Variants in DLGAP2 observed in about 807,000 individuals in gnomAD.
The protein encoded by DLGAP2 is DLG associated protein 2.
DLGAP2 carries 26 observed loss-of-function variants against 100.3 expected under a neutral mutation model. The ratio of observed to expected loss-of-function variants is 0.26; its 90% confidence interval spans 0.19 to 0.36. The LOEUF (loss-of-function observed/expected upper bound fraction) is 0.36. Ranked by LOEUF, DLGAP2 falls within the 10% of genes least tolerant of loss-of-function variation. The probability of loss-of-function intolerance (pLI) is 1.00; values close to 1 mark genes in which losing one functional copy is unlikely to be tolerated. For synonymous variants in DLGAP2, 886 were observed against 630.1 expected, an observed-to-expected ratio of 1.41 and a Z score of -6.08; for missense variants, 1,858 against 1,453.2, an observed-to-expected ratio of 1.28 and a Z score of -4.53.
intron 3 of DLGAP2, among the ~76,000 whole-genome samples, chr8:1,319,184 C>T (rs1298152688): frequency 2.6e-5 from 4 of 152,136 alleles, no homozygotes; most frequent in Admixed American, 2.0e-4. Flanking sequence ...CCATGGCTCC[C>T]CTCCCTCCTC....
chr8:1,128,219 ATGTTGTGTTCGGTGAGGACCTGCTCCCGG>A (rs1563206006), intron 2 of DLGAP2, among the ~76,000 whole-genome samples: 73 of 92,724 alleles, frequency 7.9e-4, no homozygotes, highest in African/African-American at 2.4e-3. Flanking sequence ...CCTGCTCCCC[ATGTTGTGTTCGGTGAGGACCTGCTCCCGG>A]TGTTGTGTTC....
chr8:1,272,016 A>G (rs1799593657), intron 3 of DLGAP2, among the ~76,000 whole-genome samples: 1 of 152,042 alleles, frequency 6.6e-6, no homozygotes, highest in South Asian at 2.1e-4. Context: ...ATTTCACTAC[A>G]CGTTGGCCAA....
chr8:1,048,595 A>G (rs1023857175), intron 2 of DLGAP2, among the ~76,000 whole-genome samples: 3 of 151,756 alleles, frequency 2.0e-5, no homozygotes, highest in Non-Finnish European at 4.4e-5. Context: ...AATGGTGAAT[A>G]CTTGGTGTGT....
chr8:946,815 C>G (rs1799337761), intron 2 of DLGAP2, among the ~76,000 whole-genome samples: 1 of 152,202 alleles, frequency 6.6e-6, no homozygotes, highest in Non-Finnish European at 1.5e-5. Context: ...TGCCATTACA[C>G]ACAGATAGAA....
intron 2 of DLGAP2, among the ~76,000 whole-genome samples, chr8:1,095,500 A>C (rs765171185): frequency 5.9e-5 from 9 of 152,164 alleles, no homozygotes; most frequent in Non-Finnish European, 1.3e-4. Flanking sequence ...TTCAGAGTCT[A>C]CTTCCTGGTG....
chr8:959,198 A>G (rs1799665134), intron 2 of DLGAP2, among the ~76,000 whole-genome samples: 2 of 152,206 alleles, frequency 1.3e-5, no homozygotes, highest in Non-Finnish European at 2.9e-5. Context: ...TACGTCTCCA[A>G]AAGACATGTA....
intron 2 of DLGAP2, among the ~76,000 whole-genome samples, chr8:1,063,965 C>T (rs994721024): frequency 6.6e-6 from 1 of 152,158 alleles, no homozygotes; most frequent in Non-Finnish European, 1.5e-5. Context: ...CAGCCAGGGT[C>T]GTCTGCCATG....
At chr8:1,041,948 C>G (rs374398435) in intron 2 of DLGAP2, among the ~76,000 whole-genome samples, 15 of 152,230 alleles carry the variant, frequency 9.9e-5, no homozygotes, top group East Asian at 9.6e-4. Context: ...CTCTCTTTCT[C>G]CCCGGCTGTT....
intron 3 of DLGAP2, among the ~76,000 whole-genome samples, chr8:1,445,006 G>C (rs1290568758): frequency 6.6e-6 from 1 of 150,684 alleles, no homozygotes; most frequent in African/African-American, 2.4e-5. Flanking sequence ...TCTTGACCTT[G>C]TGATCCACCC....
At chr8:1,177,594 C>G (rs1284114492) in intron 2 of DLGAP2, among the ~76,000 whole-genome samples, 2 of 152,188 alleles carry the variant, frequency 1.3e-5, no homozygotes, top group Non-Finnish European at 2.9e-5. Flanking sequence ...ATTTCAACCT[C>G]AGAGAAAATA....
At chr8:1,159,441 A>G (rs1215986349) in intron 2 of DLGAP2, among the ~76,000 whole-genome samples, 1 of 152,224 alleles carries the variant, frequency 6.6e-6, no homozygotes, top group Non-Finnish European at 1.5e-5. Context: ...GATGTATCGT[A>G]TGTCGACAAT....
rs1266791201 is a variant in DLGAP2 at position 1,218,083 on chromosome 8, A to C, written c.74-40768A>C. On this transcript the variant is annotated intron_variant, in intron 2 of 14. Coordinates refer to ENST00000637795, the MANE Select transcript of DLGAP2 (RefSeq NM_001346810.2). ...CTGTTGATAGTTTCTTTTTCTATGCAGAAGCTCTTTAATTAGGTCCCACTT... is the reference window on the plus strand; with the variant it reads ...CTGTTGATAGTTTCTTTTTCTATGCCGAAGCTCTTTAATTAGGTCCCACTT... 3.9e-5 allele frequency among the ~76,000 whole-genome samples: 6 copies of C among 152,166 alleles called. No individual in the cohort carries two copies. The East Asian group carries it at 1.2e-3, about 29-fold the overall frequency.
intron 13 of DLGAP2, among the ~76,000 whole-genome samples, chr8:1,693,096 A>T (rs918281058): frequency 2.0e-5 from 3 of 148,028 alleles, no homozygotes; most frequent in African/African-American, 7.4e-5. Flanking sequence ...TGTATATGAA[A>T]TTTTACTTAT....
At chr8:823,859 C>T (rs533267168) in intron 1 of DLGAP2, among the ~76,000 whole-genome samples, 98 of 152,222 alleles carry the variant, frequency 6.4e-4, no homozygotes, top group Non-Finnish European at 1.2e-3. Flanking sequence ...TCCATCCACC[C>T]GGGCTGTCCT....
At position 780,014 on chromosome 8, in the gene DLGAP2, A is replaced by C. The variant is rs116917083; in HGVS notation, c.18+42189A>C. 2.6e-5 allele frequency among the ~76,000 whole-genome samples: 4 copies of C among 152,146 alleles called. No individual in the cohort carries two copies. The South Asian group carries it at 6.2e-4, about 24-fold the overall frequency. On this transcript the variant is annotated intron_variant, in intron 1 of 14. Coordinates refer to ENST00000637795, the MANE Select transcript of DLGAP2 (RefSeq NM_001346810.2). Reference sequence around the variant, plus strand: ...TTACCATTTTTTCTTTTTAGTGAAAACATTAAAATTCTATTCTAGAGATTT... The same window carrying C: ...TTACCATTTTTTCTTTTTAGTGAAACCATTAAAATTCTATTCTAGAGATTT...
intron 3 of DLGAP2, among the ~76,000 whole-genome samples, chr8:1,324,509 G>C (rs781196331): frequency 1.3e-5 from 2 of 152,194 alleles, no homozygotes; most frequent in African/African-American, 4.8e-5. Context: ...CTTCTTCCCA[G>C]ATCATCTTAC....
chr8:1,154,426 AG>A (rs11318054), intron 2 of DLGAP2, among the ~76,000 whole-genome samples: 7,141 of 152,234 alleles, frequency 0.047, 200 homozygotes, highest in African/African-American at 0.07. Flanking sequence ...AACTGATCAA[AG>A]TAGTAGGTGT....
chr8:1,310,283 T>C (rs1366533814), intron 3 of DLGAP2, among the ~76,000 whole-genome samples: 1 of 152,210 alleles, frequency 6.6e-6, no homozygotes, highest in Non-Finnish European at 1.5e-5. Context: ...AGGCTATTTA[T>C]ATATTGACAG....
At chr8:1,272,487 C>T (rs4347016) in intron 3 of DLGAP2, among the ~76,000 whole-genome samples, 130,450 of 151,844 alleles carry the variant, frequency 0.86, 56,273 homozygotes, top group African/African-American at 0.93. Flanking sequence ...ATATATTACA[C>T]ATAAACGTTT....
Sources: gnomAD v4.1 joint callset for allele counts (sites outside exome capture counted in the v4.1 genomes callset) on GRCh38, gnomAD v4.1.1 for gene constraint, MANE v1.5 for transcripts, NCBI Gene and HGNC (gene_info 2026-07-23, HGNC 2026-07-21) for gene names.